The following WNT11 variants were observed in gnomAD, a reference collection of about 807,000 sequenced individuals.
The protein encoded by WNT11 is protein Wnt-11.
A neutral mutation model predicts 35.6 loss-of-function variants in WNT11; 20 were observed. The ratio of observed to expected loss-of-function variants is 0.56; its 90% CI spans 0.40 to 0.82. WNT11 has a LOEUF of 0.82. Ranked by LOEUF, WNT11 falls within the 40% of genes least tolerant of loss-of-function variation. The probability of loss-of-function intolerance (pLI) is 0.00; values close to 1 mark genes in which losing one functional copy is unlikely to be tolerated. For synonymous variants in WNT11, 200 were observed against 211.9 expected, an observed-to-expected ratio of 0.94 and a Z score of 0.49; for missense variants, 459 against 504.4, an observed-to-expected ratio of 0.91 and a Z score of 0.86.
Position 76,196,615 on chromosome 11 carries a change from G to T in WNT11, c.187C>A (p.Leu63Met), listed in dbSNP as rs768373261. Residue 63 changes from leucine to methionine, a missense_variant, in exon 2 of 5, where the codon CTG (leucine) becomes ATG (methionine). By Grantham distance (15) the Leu-to-Met change is conservative. Coordinates refer to ENST00000322563, the MANE Select transcript of WNT11 (RefSeq NM_004626.3). Reference sequence around the variant, plus strand: ...TGCACCACCGTGTGCATGAGCTCCAGGTTGCTGCGGCACAGCTGCACCTGT... The same window carrying T: ...TGCACCACCGTGTGCATGAGCTCCATGTTGCTGCGGCACAGCTGCACCTGT... The part of the protein sequence containing the change: ...SAQVQLCRSN[L>M]ELMHTVVHAA... 1.2e-6 allele frequency: 2 copies of T among 1,613,736 alleles called. No homozygotes were observed. Among genetic ancestry groups the T allele is most frequent in the Admixed American group, 1.7e-5 (1 of 60,034 alleles).
In WNT11 at chr11:76,194,824, C is replaced by G; in HGVS notation, c.340G>C (p.Val114Leu). The G allele has an allele frequency of 5.9e-6, 9 of 1,527,466 alleles. No homozygotes were observed. In the South Asian group the frequency reaches 1.1e-4, roughly 19 times the overall value. 94.6% of individuals were successfully genotyped at this position (1,527,466 alleles called of 1,614,324 possible). The change falls in exon 3 of 5, where the codon GTG (valine) becomes CTG (leucine). Residue 114 changes from valine (V) to leucine (L), a missense_variant. Coordinates refer to ENST00000322563, the MANE Select transcript of WNT11 (RefSeq NM_004626.3). This position sits in a 1 kb window ranked among gnomAD's most constrained non-coding sequence, Gnocchi z 5.4. ...LERGTRESAFVYALSAAAISH... is the reference protein window; with the variant it reads ...LERGTRESAFLYALSAAAISH... Reference sequence around the variant, plus strand: ...ATGGCGGCGGCCGACAGCGCATACACGAAGGCCGACTCCCGGGTCCCTGAG... The same window carrying G: ...ATGGCGGCGGCCGACAGCGCATACAGGAAGGCCGACTCCCGGGTCCCTGAG...
chr11:76,205,153 C>T (rs904548333), intron 1 of WNT11, among the ~76,000 whole-genome samples: 6 of 152,270 alleles, frequency 3.9e-5, no homozygotes, highest in Non-Finnish European at 7.4e-5. Context: ...GTTCCCTCCT[C>T]GAATCGTCAA....
At chr11:76,208,012 G>A (rs1591315658), upstream of WNT11, among the ~76,000 whole-genome samples, 1 of 152,186 alleles carries the variant, frequency 6.6e-6, no homozygotes, top group Non-Finnish European at 1.5e-5. Context: ...CACGGTAGTG[G>A]GGGCGCTGGA....
intron 4 of WNT11, among the ~76,000 whole-genome samples, chr11:76,191,099 C>A (rs1345152901): frequency 6.6e-6 from 1 of 152,166 alleles, no homozygotes; most frequent in Non-Finnish European, 1.5e-5. Context: ...CATCACTCTC[C>A]CTCACACAGT....
In WNT11 at chr11:76,191,776, C is replaced by A. The variant is rs766983970; in HGVS notation, c.678G>T (p.Gly226=). ...GSCSIRTCWK[G]LQELQDVAAD... Reference sequence around the variant, plus strand: ...CAGCCACATCCTGCAGCTCCTGCAGCCCCTTCCAGCAGGTGCGGATGGAGC... The same window carrying A: ...CAGCCACATCCTGCAGCTCCTGCAGACCCTTCCAGCAGGTGCGGATGGAGC... Residue 226 remains glycine (G), a synonymous_variant, in exon 4 of 5, where the codon GGG becomes GGT. Transcript: ENST00000322563. 2.5e-6 allele frequency: 4 copies of A among 1,612,902 alleles called. No individual in the cohort carries two copies. The East Asian group carries it at 8.9e-5, about 36-fold the overall frequency.
rs759626450 is a variant in WNT11 at position 76,191,788 on chromosome 11, G to A, written c.666C>T (p.Thr222=). 1.2e-6 allele frequency: 2 copies of A among 1,612,074 alleles called. No homozygotes were observed. The highest frequency in any genetic ancestry group is 1.7e-5 in the Admixed American group (1 of 60,028). Residue 222 remains threonine (T), a synonymous_variant, in exon 4 of 5, where the codon ACC becomes ACT. Coordinates refer to ENST00000322563, the MANE Select transcript of WNT11 (RefSeq NM_004626.3). ...GCAGCTCCTGCAGCCCCTTCCAGCAGGTGCGGATGGAGCAGGAGCCAGACA... is the reference window on the plus strand; with the variant it reads ...GCAGCTCCTGCAGCCCCTTCCAGCAAGTGCGGATGGAGCAGGAGCCAGACA... The part of the protein sequence containing the change: ...HGVSGSCSIR[T]CWKGLQELQD...
At chr11:76,196,171 G>C (rs943903295) in intron 2 of WNT11, among the ~76,000 whole-genome samples, 1 of 152,230 alleles carries the variant, frequency 6.6e-6, no homozygotes, top group African/African-American at 2.4e-5. Flanking sequence ...CGTACAGCAG[G>C]CCACAGCCTT....
rs531813065 is a variant in WNT11 at position 76,199,673 on chromosome 11, C to T, written c.84-2955G>A. Among the ~76,000 whole-genome samples the T allele has an allele frequency of 5.1e-4, 78 of 152,000 alleles. 1 individual carries two copies. Among genetic ancestry groups the T allele is most frequent in the Non-Finnish European group, 9.9e-4 (67 of 67,976 alleles). Reference sequence around the variant, plus strand: ...AAAAAATTAGCTGGGCGTGGTGGTGCGCGCCTGTAGTCCCAGTTACTTGAG... The same window carrying T: ...AAAAAATTAGCTGGGCGTGGTGGTGTGCGCCTGTAGTCCCAGTTACTTGAG... On this transcript the variant is annotated intron_variant, in intron 1 of 4. Coordinates refer to ENST00000322563, the MANE Select transcript of WNT11 (RefSeq NM_004626.3).
intron 1 of WNT11, among the ~76,000 whole-genome samples, chr11:76,205,531 G>C (rs886238615): frequency 6.6e-6 from 1 of 152,214 alleles, no homozygotes; most frequent in African/African-American, 2.4e-5. Context: ...TAGGCCTCCA[G>C]ATTCCCGCTC....
chr11:76,200,476 T>C lies in WNT11; in HGVS notation c.84-3758A>G, dbSNP rs145261160. ...ACCTCCACCCAGCAAACCCTGTCCC[T>C]GCGTGCAGTGCCGTCATGGGGTAAA... On this transcript the variant is annotated intron_variant, in intron 1 of 4. Transcript: ENST00000322563. Among the ~76,000 whole-genome samples, 334 of 152,348 alleles carry C rather than the reference T, an allele frequency of 2.2e-3. 2 individuals carry two copies. Among genetic ancestry groups the C allele is most frequent in the African/African-American group, 7.5e-3 (313 of 41,580 alleles).
chr11:76,204,070 A>G (rs903543579), intron 1 of WNT11, among the ~76,000 whole-genome samples: 3 of 152,336 alleles, frequency 2.0e-5, no homozygotes, highest in Admixed American at 2.0e-4. Flanking sequence ...AAATGGAACA[A>G]TATACATAAG....
In WNT11 at chr11:76,194,791, C is replaced by A; in HGVS notation, c.373G>T (p.Ala125Ser). The A allele has an allele frequency of 6.4e-7, 1 of 1,552,610 alleles. No individual in the cohort carries two copies. Among genetic ancestry groups the A allele is most frequent in the Non-Finnish European group, 8.7e-7 (1 of 1,152,752 alleles). Reference protein sequence around the residue: ...YALSAAAISHAIARACTSGDL... With the variant: ...YALSAAAISHSIARACTSGDL... ...CCGGAGGTGCAGGCCCGGGCGATGG[C>A]GTGGCTGATGGCGGCGGCCGACAGC... Residue 125 changes from alanine to serine, a missense_variant, in exon 3 of 5, where the codon GCC becomes TCC. Coordinates refer to ENST00000322563, the MANE Select transcript of WNT11 (RefSeq NM_004626.3). The surrounding 1 kb of genome is among the most constrained non-coding windows in gnomAD (Gnocchi z 5.4).
chr11:76,202,123 G>A (rs114394564), intron 1 of WNT11, among the ~76,000 whole-genome samples: 49 of 152,338 alleles, frequency 3.2e-4, no homozygotes, highest in African/African-American at 1.2e-3. Context: ...TTCCAGGTGA[G>A]GCTTCGGCAG....
chr11:76,187,027 C>T lies in WNT11; in HGVS notation c.*38G>A. 6.2e-7 allele frequency: 1 copy of T among 1,604,156 alleles called. No individual in the cohort carries two copies. Among genetic ancestry groups the T allele is most frequent in the Non-Finnish European group, 8.5e-7 (1 of 1,179,634 alleles). On this transcript the variant is annotated 3_prime_UTR_variant, in exon 5 of 5. Coordinates refer to ENST00000322563, the MANE Select transcript of WNT11 (RefSeq NM_004626.3). ...GCCCCAGTTGCTGAGGGTCCTTGAG[C>T]AGAGTCCTCGCTCCTGCGTGGGGCG...
intron 1 of WNT11, among the ~76,000 whole-genome samples, chr11:76,205,747 G>A (rs1475368035): frequency 6.6e-6 from 1 of 152,168 alleles, no homozygotes; most frequent in East Asian, 1.9e-4. Context: ...TCTATCTAAA[G>A]GAATGCCCTG....
At chr11:76,210,251 C>T, upstream of WNT11, 2 of 245,122 alleles carry the variant, frequency 8.2e-6, no homozygotes, top group Non-Finnish European at 1.3e-5. Context: ...TGCCCCTAAA[C>T]CCCGCGTCCC....
chr11:76,204,958 G>A (rs1953448464), intron 1 of WNT11, among the ~76,000 whole-genome samples: 1 of 152,174 alleles, frequency 6.6e-6, no homozygotes, highest in Non-Finnish European at 1.5e-5. Context: ...GGCGGTGGAT[G>A]AGAGAGCTTG....
chr11:76,191,468 G>A, intron 4 of WNT11, 96 bp downstream of exon 4: 1 of 1,387,412 alleles, frequency 7.2e-7, no homozygotes, highest in Non-Finnish European at 9.9e-7. Flanking sequence ...TTCCCCACAT[G>A]CCACCTGAGT....
upstream of WNT11, chr11:76,210,410 G>A (rs1387832664): frequency 4.1e-6 from 4 of 984,472 alleles, no homozygotes; most frequent in Middle Eastern, 2.1e-3. Flanking sequence ...TCGGACTCGG[G>A]CGCCCCCAGC....
Sources: gnomAD v4.1 joint callset for allele counts (sites outside exome capture counted in the v4.1 genomes callset) on GRCh38, gnomAD v4.1.1 for gene constraint, Gnocchi (gnomAD v3.1) non-coding constraint, MANE v1.5 for transcripts, NCBI Gene and HGNC (gene_info 2026-07-23, HGNC 2026-07-21) for gene names.